INTS13: variants seen among roughly 807,000 people sequenced by gnomAD.
The protein encoded by INTS13 is asunder, spermatogenesis regulator homolog (Drosphila).
In INTS13, 35 loss-of-function variants were observed where a neutral mutation model predicts 90.2. That is an observed-to-expected ratio of 0.39 (90% CI 0.30 to 0.51). INTS13 has a LOEUF of 0.51. Ranked by LOEUF, INTS13 falls within the 20% of genes least tolerant of loss-of-function variation. INTS13 has a pLI of 0.80. For synonymous variants in INTS13, 309 were observed against 277.1 expected (o/e 1.11, Z -1.14); for missense variants, 601 against 851.2 (o/e 0.71, Z 3.66).
intron 8 of INTS13, 113 bp from the exon 9 acceptor site, chr12:26,917,846 G>A (rs548874349): frequency 2.9e-5 from 22 of 765,756 alleles, no homozygotes; most frequent in Admixed American, 4.8e-5. Context: ...AAAAGCGGCC[G>A]GGTGCAGTGG....
chr12:26,918,971 C>A, intron 8 of INTS13: 1 of 272,620 alleles, frequency 3.7e-6, no homozygotes, highest in South Asian at 3.0e-5. Context: ...GGAAACTAGC[C>A]TGGGCAACAT....
At chr12:26,918,187 G>A (rs1254892822) in intron 8 of INTS13, among the ~76,000 whole-genome samples, 10 of 151,862 alleles carry the variant, frequency 6.6e-5, no homozygotes, top group African/African-American at 2.4e-4. Context: ...ACTGGGTATG[G>A]AGTAACCGGA....
chr12:26,931,616 G>C (rs1362275338), intron 3 of INTS13, among the ~76,000 whole-genome samples: 4 of 152,014 alleles, frequency 2.6e-5, no homozygotes, highest in Admixed American at 2.0e-4. Context: ...CATTCATCAG[G>C]GAAGGACCTT....
At chr12:26,918,872 T>A (rs770640193) in intron 8 of INTS13, among the ~76,000 whole-genome samples, 1 of 152,018 alleles carries the variant, frequency 6.6e-6, no homozygotes, top group Non-Finnish European at 1.5e-5. Flanking sequence ...TGAGTAGAAA[T>A]TAAGTAAAGA....
chr12:26,922,444 T>C (rs564250691), intron 8 of INTS13, among the ~76,000 whole-genome samples, 172 bp downstream of exon 8: 3 of 152,210 alleles, frequency 2.0e-5, no homozygotes, highest in African/African-American at 2.4e-5. Context: ...AACTTTATCA[T>C]AGGTATGTAC....
In INTS13 at chr12:26,905,421, G is replaced by T; in HGVS notation, c.*76C>A. The T allele has an allele frequency of 2.3e-6, 3 of 1,331,454 alleles. No homozygotes were observed. Among genetic ancestry groups the T allele is most frequent in the Non-Finnish European group, 3.2e-6 (3 of 936,958 alleles). The allele number at this position is 1,331,454 out of a possible 1,614,324, so 82.5% of individuals were successfully genotyped here. On this transcript the variant is annotated 3_prime_UTR_variant, in exon 17 of 17. Transcript: ENST00000261191. Reference sequence around the variant, plus strand: ...CCAGGCAACATAACTATACCATCTTGCTGTAAAAGTACTTATATCGAATTC... The same window carrying T: ...CCAGGCAACATAACTATACCATCTTTCTGTAAAAGTACTTATATCGAATTC...
At chr12:26,911,465 A>G in intron 14 of INTS13, 148 bp from the exon 15 acceptor site, 1 of 527,246 alleles carries the variant, frequency 1.9e-6, no homozygotes. Flanking sequence ...ATCTCAATCT[A>G]AAACCAGGTA....
At chr12:26,920,663 G>A (rs1368484754) in intron 8 of INTS13, among the ~76,000 whole-genome samples, 1 of 152,060 alleles carries the variant, frequency 6.6e-6, no homozygotes, top group Non-Finnish European at 1.5e-5. Flanking sequence ...AAAGTGCTGG[G>A]ATTACAGGTG....
At chr12:26,931,205 G>A (rs1290345203) in intron 3 of INTS13, among the ~76,000 whole-genome samples, 2 of 151,858 alleles carry the variant, frequency 1.3e-5, no homozygotes, top group Non-Finnish European at 2.9e-5. Flanking sequence ...CCCTTTGGGA[G>A]GCCGAGGCAG....
intron 5 of INTS13, among the ~76,000 whole-genome samples, chr12:26,927,776 C>T (rs535894691): frequency 4.7e-5 from 7 of 150,328 alleles, no homozygotes; most frequent in Non-Finnish European, 7.4e-5. Flanking sequence ...CCACCAGGCC[C>T]GGCTAATTTT....
At chr12:26,916,667 T>C (rs1951944834) in intron 10 of INTS13, among the ~76,000 whole-genome samples, 1 of 152,190 alleles carries the variant, frequency 6.6e-6, no homozygotes, top group African/African-American at 2.4e-5. Flanking sequence ...AGTCTGATAA[T>C]CAAATTATGC....
intron 15 of INTS13, among the ~76,000 whole-genome samples, chr12:26,908,667 G>A (rs1951685648): frequency 6.6e-6 from 1 of 152,006 alleles, no homozygotes; most frequent in Non-Finnish European, 1.5e-5. Flanking sequence ...CTTTGGGGAG[G>A]CCTGGAAAGT....
chr12:26,926,868 G>C (rs1405123882), intron 5 of INTS13, among the ~76,000 whole-genome samples: 1 of 152,192 alleles, frequency 6.6e-6, no homozygotes, highest in African/African-American at 2.4e-5. Context: ...GAAAGAACAA[G>C]CAATGATTAG....
intron 16 of INTS13, among the ~76,000 whole-genome samples, chr12:26,905,915 T>TA (rs1224826673): frequency 1.6e-4 from 25 of 152,166 alleles, no homozygotes; most frequent in Admixed American, 6.5e-5. Flanking sequence ...GGATTTCTTC[T>TA]AAAAAAATCA....
rs139845082 is a variant in INTS13, at chr12:26,914,209, G to T, written c.1420-81C>A. On this transcript the variant is annotated intron_variant, in intron 12 of 16. Coordinates refer to ENST00000261191, the MANE Select transcript of INTS13 (RefSeq NM_018164.3). ...AACATCTAGGCAGAACTTGATTTTC[G>T]AAAGGATTTTAAAGATTATCATGGT... The T allele has an allele frequency of 3.0e-6, 4 of 1,332,450 alleles. No homozygotes were observed. In the African/African-American group the frequency reaches 4.5e-5, roughly 15 times the overall value. 82.5% of individuals were successfully genotyped at this position (1,332,450 alleles called of 1,614,324 possible).
intron 2 of INTS13, 52 bp from the exon 3 acceptor site, chr12:26,934,682 A>G (rs1200476086): frequency 1.6e-6 from 2 of 1,271,460 alleles, no homozygotes; most frequent in Admixed American, 1.8e-5. Context: ...TCACTCAATC[A>G]CCAACATATT....
intron 5 of INTS13, 42 bp from the exon 6 acceptor site, chr12:26,925,893 T>C: frequency 7.2e-7 from 1 of 1,396,222 alleles, no homozygotes; most frequent in Non-Finnish European, 1.0e-6. Flanking sequence ...GAATACATAG[T>C]ATGTAAAGAA....
intron 7 of INTS13, among the ~76,000 whole-genome samples, 169 bp from the exon 8 acceptor site, chr12:26,922,869 T>C (rs569523709): frequency 6.6e-6 from 1 of 152,156 alleles, no homozygotes; most frequent in Non-Finnish European, 1.5e-5. Context: ...CCATGCAACA[T>C]AAACTCCATT....
At chr12:26,924,598 TGGA>T in intron 6 of INTS13, 115 bp from the exon 7 acceptor site, 1 of 1,187,222 alleles carries the variant, frequency 8.4e-7, no homozygotes, top group African/African-American at 1.6e-5. Flanking sequence ...TTTTAGAAGT[TGGA>T]AAAAAAGGAT....
Sources: allele counts gnomAD v4.1 joint callset (sites outside exome capture counted in the v4.1 genomes callset), GRCh38; gene constraint gnomAD v4.1.1; transcripts MANE v1.5; gene names NCBI Gene and HGNC (gene_info 2026-07-23, HGNC 2026-07-21).